The following PPARGC1B variants were observed in gnomAD, a reference collection of about 807,000 sequenced individuals.
The protein encoded by PPARGC1B is peroxisome proliferator-activated receptor gamma coactivator 1-beta.
PPARGC1B carries 34 observed loss-of-function variants against 101.6 expected under a neutral mutation model. The observed-to-expected ratio is 0.33, with a 90% CI of 0.25 to 0.45. PPARGC1B has a LOEUF of 0.45. Ranked by LOEUF, PPARGC1B falls within the 20% of genes least tolerant of loss-of-function variation. PPARGC1B has a pLI of 1.00. For missense variants in PPARGC1B, 1,234 were observed against 1,317.6 expected (o/e 0.94, Z 0.98); for synonymous variants, 548 against 539.3 (o/e 1.02, Z -0.22).
intron 1 of PPARGC1B, among the ~76,000 whole-genome samples, chr5:149,802,044 A>G (rs904530255): frequency 2.0e-5 from 3 of 152,062 alleles, no homozygotes; most frequent in African/African-American, 7.2e-5. Context: ...ACAGCTCAGC[A>G]CCGCCCCGTC....
At chr5:149,764,091 A>G (rs529637388) in intron 1 of PPARGC1B, among the ~76,000 whole-genome samples, 3 of 152,378 alleles carry the variant, frequency 2.0e-5, no homozygotes, top group African/African-American at 7.2e-5. Flanking sequence ...ATGTGATTTC[A>G]TAGACTCTCT....
intron 1 of PPARGC1B, among the ~76,000 whole-genome samples, chr5:149,736,972 C>T (rs1754738093): frequency 6.6e-6 from 1 of 152,096 alleles, no homozygotes; most frequent in Non-Finnish European, 1.5e-5. Context: ...GGGTTCACTC[C>T]GTGGGTTTGG....
At chr5:149,791,668 A>AT (rs1179834088) in intron 1 of PPARGC1B, among the ~76,000 whole-genome samples, 5 of 151,290 alleles carry the variant, frequency 3.3e-5, no homozygotes, top group African/African-American at 7.3e-5. Context: ...CTGAGAGGGA[A>AT]TTTTTTTGCT....
Position 149,832,590 on chromosome 5 carries a change from G to A in PPARGC1B, c.583-66G>A. 1.5e-6 allele frequency: 2 copies of A among 1,325,524 alleles called. No individual in the cohort carries two copies. The highest frequency in any genetic ancestry group is 2.4e-5 in the East Asian group (1 of 42,192). The allele number at this position is 1,325,524 out of a possible 1,614,324, so 82.1% of individuals were successfully genotyped here. On this transcript the variant is annotated intron_variant, in intron 4 of 11. Coordinates refer to ENST00000309241, the MANE Select transcript of PPARGC1B (RefSeq NM_133263.4). The surrounding 1 kb of genome is among the most constrained non-coding windows in gnomAD (Gnocchi z 4.9). The stretch of plus-strand genomic sequence containing the variant: ...ACACAATGGGCCAGCCAGTGACCAT[G>A]CGGATGAGACACATGGGAGGAGTGT...
chr5:149,808,589 C>T (rs986830696), intron 1 of PPARGC1B, among the ~76,000 whole-genome samples: 5 of 152,130 alleles, frequency 3.3e-5, no homozygotes, highest in South Asian at 2.1e-4. Context: ...TTTTGCCCCC[C>T]ACAGACTTTG....
intron 1 of PPARGC1B, among the ~76,000 whole-genome samples, chr5:149,798,359 T>A (rs2052489): frequency 0.17 from 26,040 of 152,278 alleles, 2,511 homozygotes; most frequent in South Asian, 0.35. Flanking sequence ...TTAGTTCTGT[T>A]TTTATAATAC....
Position 149,839,979 on chromosome 5 carries a change from C to T in PPARGC1B, c.2619-62C>T, listed in dbSNP as rs1472659475. ...CATCCCTTGCGTCCTGGAGCAGATCCGCCCCCACCCCCATGGTATCTCCCG... is the reference window on the plus strand; with the variant it reads ...CATCCCTTGCGTCCTGGAGCAGATCTGCCCCCACCCCCATGGTATCTCCCG... On this transcript the variant is annotated intron_variant, in intron 8 of 11. Transcript: ENST00000309241. 4.4e-5 allele frequency: 68 copies of T among 1,537,454 alleles called. No individual in the cohort carries two copies. In the East Asian group the frequency reaches 6.5e-4, roughly 15 times the overall value.
chr5:149,817,286 A>C (rs2113344771), intron 1 of PPARGC1B, among the ~76,000 whole-genome samples: 1 of 152,318 alleles, frequency 6.6e-6, no homozygotes, highest in South Asian at 2.1e-4. Flanking sequence ...AAGCCTGGGC[A>C]ACATAGAGAG....
intron 3 of PPARGC1B, among the ~76,000 whole-genome samples, chr5:149,830,173 G>A (rs1225196759): frequency 1.3e-5 from 2 of 151,714 alleles, no homozygotes; most frequent in African/African-American, 4.8e-5. Context: ...GCCTCTAGGA[G>A]GCAGAAGGGG....
chr5:149,783,079 G>C, intron 1 of PPARGC1B, among the ~76,000 whole-genome samples: 1 of 133,722 alleles, frequency 7.5e-6, no homozygotes, highest in East Asian at 2.5e-4. Flanking sequence ...TGTCACACTG[G>C]AATGAGAGAT....
At chr5:149,752,627 A>T (rs976167164) in intron 1 of PPARGC1B, among the ~76,000 whole-genome samples, 1 of 152,154 alleles carries the variant, frequency 6.6e-6, no homozygotes, top group African/African-American at 2.4e-5. Context: ...TCAGGAGTTC[A>T]AGACCAGCCT....
intron 2 of PPARGC1B, among the ~76,000 whole-genome samples, chr5:149,826,316 G>A (rs981586815): frequency 5.9e-5 from 9 of 152,180 alleles, no homozygotes; most frequent in Non-Finnish European, 8.8e-5. Flanking sequence ...TGGTAGGCCA[G>A]CCTCTGTCCT....
chr5:149,799,687 G>GTTTTTTTTTTTTTTTTTTTT (rs1561553708), intron 1 of PPARGC1B, among the ~76,000 whole-genome samples: 3 of 85,444 alleles, frequency 3.5e-5, no homozygotes, highest in African/African-American at 1.3e-4. Flanking sequence ...TTGTTTGCTT[G>GTTTTTTTTTTTTTTTTTTTT]TTGTTGTTTT....
chr5:149,816,494 G>T (rs17110470), intron 1 of PPARGC1B, among the ~76,000 whole-genome samples: 2,193 of 152,298 alleles, frequency 0.014, 38 homozygotes, highest in African/African-American at 0.049. Flanking sequence ...TGTACATTTT[G>T]TGCACATACC....
intron 11 of PPARGC1B, chr5:149,846,335 G>A (rs563129512): frequency 3.2e-6 from 1 of 312,872 alleles, no homozygotes; most frequent in African/African-American, 2.1e-5. Flanking sequence ...GAAGTACAAT[G>A]TACGAAAGAA....
At chr5:149,751,032 G>A (rs1487813343) in intron 1 of PPARGC1B, among the ~76,000 whole-genome samples, 1 of 152,174 alleles carries the variant, frequency 6.6e-6, no homozygotes, top group Non-Finnish European at 1.5e-5. Context: ...TTGTTTAATT[G>A]CACTGTAATT....
intron 3 of PPARGC1B, among the ~76,000 whole-genome samples, chr5:149,829,957 C>A (rs1758683946): frequency 6.9e-6 from 1 of 145,450 alleles, no homozygotes; most frequent in South Asian, 2.1e-4. Context: ...ATCGCTTGAA[C>A]CCGTGAGGTG....
chr5:149,856,213 A>G (rs2113476607), downstream of PPARGC1B, among the ~76,000 whole-genome samples: 1 of 152,310 alleles, frequency 6.6e-6, no homozygotes, highest in Non-Finnish European at 1.5e-5. Flanking sequence ...ACTCATACAA[A>G]CTCATACATA....
In PPARGC1B at chr5:149,730,315, C is replaced by G; in HGVS notation, c.-28C>G. The G allele has an allele frequency of 1.3e-6, 2 of 1,528,076 alleles. No individual in the cohort carries two copies. Among genetic ancestry groups the G allele is most frequent in the Non-Finnish European group, 1.8e-6 (2 of 1,138,630 alleles). 94.7% of individuals were successfully genotyped at this position (1,528,076 alleles called of 1,614,324 possible). A position where few individuals can be genotyped will look rare whatever the true frequency, so the allele number is the denominator to read the frequency against. On this transcript the variant is annotated 5_prime_UTR_variant, in exon 1 of 12. Transcript: ENST00000309241. The surrounding 1 kb of genome is among the most constrained non-coding windows in gnomAD (Gnocchi z 4.0). The stretch of plus-strand genomic sequence containing the variant: ...CCCCGGGCCGGCTCGGCGTTGACTC[C>G]GCCGCACGCTGCAGCCGCGGCTGGA...
Sources: gnomAD v4.1 joint callset for allele counts (sites outside exome capture counted in the v4.1 genomes callset) on GRCh38, gnomAD v4.1.1 for gene constraint, Gnocchi (gnomAD v3.1) non-coding constraint, MANE v1.5 for transcripts, NCBI Gene and HGNC (gene_info 2026-07-23, HGNC 2026-07-21) for gene names.